ZNF474: variants seen among roughly 807,000 people sequenced by gnomAD.
ZNF474 encodes 4933409D10Rik.
For synonymous variants in ZNF474, 192 were observed against 162.2 expected (o/e 1.18, Z -1.39); for missense variants, 511 against 433.8 (o/e 1.18, Z -1.58).
At chr5:122,130,790 C>T (rs1009130989) in intron 1 of ZNF474, among the ~76,000 whole-genome samples, 134 of 152,190 alleles carry the variant, frequency 8.8e-4, no homozygotes, top group African/African-American at 3.1e-3. Context: ...GAAATGATTA[C>T]CACAATCAAG....
In ZNF474 at chr5:122,152,610, G is replaced by C; in HGVS notation, c.620G>C (p.Gly207Ala). 2 of 1,614,174 alleles carry C rather than the reference G, an allele frequency of 1.2e-6. No homozygotes were observed. The highest frequency in any genetic ancestry group is 1.7e-6 in the Non-Finnish European group (2 of 1,180,044). ...PHSNSSDHLTGLKKACSGTPA... is the reference protein window; with the variant it reads ...PHSNSSDHLTALKKACSGTPA... ...TCAAACAGTTCTGATCATCTTACTG[G>C]CCTCAAGAAAGCTTGTAGTGGAACC... is the stretch of plus-strand genomic sequence containing the variant. Residue 207 changes from glycine to alanine, a missense_variant, in exon 2 of 2, where the codon GGC becomes GCC. Coordinates refer to ENST00000296600, the MANE Select transcript of ZNF474 (RefSeq NM_207317.3).
At chr5:122,150,073 A>C (rs758560556) in intron 1 of ZNF474, among the ~76,000 whole-genome samples, 12 of 152,216 alleles carry the variant, frequency 7.9e-5, no homozygotes, top group Non-Finnish European at 1.2e-4. Context: ...CCTAGTATCA[A>C]GGAAAATGAT....
intron 1 of ZNF474, among the ~76,000 whole-genome samples, chr5:122,137,363 G>A (rs1197410484): frequency 7.1e-6 from 1 of 140,990 alleles, no homozygotes; most frequent in Non-Finnish European, 1.5e-5. Flanking sequence ...CAGGAGAATC[G>A]CTTGAACCTG....
In ZNF474 at chr5:122,151,958, C is replaced by T. The variant is rs112289805; in HGVS notation, c.-33C>T. On this transcript the variant is annotated 5_prime_UTR_variant, in exon 2 of 2. Transcript: ENST00000296600. ...GCCCAAAGTGAGTCTGGCCTGAAAT[C>T]AGAGCAAGCACTACAGAAAGACATC... is the stretch of plus-strand genomic sequence containing the variant. 3.8e-6 allele frequency: 6 copies of T among 1,577,284 alleles called. No homozygotes were observed. In the African/African-American group the frequency reaches 4.1e-5, roughly 11 times the overall value.
At chr5:122,146,394 A>G (rs1273874281) in intron 1 of ZNF474, among the ~76,000 whole-genome samples, 1 of 152,172 alleles carries the variant, frequency 6.6e-6, no homozygotes, top group Non-Finnish European at 1.5e-5. Flanking sequence ...AGAATCTCTA[A>G]AAAAGGAAGT....
chr5:122,131,970 G>A (rs532406831), intron 1 of ZNF474, among the ~76,000 whole-genome samples: 3 of 151,968 alleles, frequency 2.0e-5, no homozygotes, highest in South Asian at 4.1e-4. Context: ...ATAAGAAAAC[G>A]TCCATTAACC....
intron 1 of ZNF474, among the ~76,000 whole-genome samples, chr5:122,131,402 T>C (rs1184212533): frequency 6.6e-6 from 1 of 152,106 alleles, no homozygotes; most frequent in Non-Finnish European, 1.5e-5. Context: ...CCATATGTGG[T>C]AACAAATTAT....
intron 1 of ZNF474, among the ~76,000 whole-genome samples, chr5:122,149,933 G>C (rs2040576033): frequency 1.3e-5 from 2 of 151,716 alleles, no homozygotes; most frequent in Non-Finnish European, 2.9e-5. Context: ...GAGAGAGAGA[G>C]AGAGAGAGGG....
At chr5:122,144,070 C>A (rs1317886482) in intron 1 of ZNF474, among the ~76,000 whole-genome samples, 2 of 151,942 alleles carry the variant, frequency 1.3e-5, no homozygotes, top group Non-Finnish European at 2.9e-5. Context: ...TTCTATAACC[C>A]TTTAATAACT....
At chr5:122,136,323 A>G (rs1170378731) in intron 1 of ZNF474, among the ~76,000 whole-genome samples, 13 of 152,208 alleles carry the variant, frequency 8.5e-5, no homozygotes, top group Admixed American at 7.9e-4. Context: ...TCTGATTTCC[A>G]AGGGAAATTA....
Position 122,152,107 on chromosome 5 carries a change from T to C in ZNF474, c.117T>C (p.Ser39=). The change falls in exon 2 of 2, where the codon TCT becomes TCC. Residue 39 remains serine (S), a synonymous_variant. Transcript: ENST00000296600. Reference sequence around the variant, plus strand: ...GGCTTCTCTCTAGTGACTCCTATTCTAGCCTTTCCCCAGAAACAGAGAGTG... The same window carrying C: ...GGCTTCTCTCTAGTGACTCCTATTCCAGCCTTTCCCCAGAAACAGAGAGTG... The part of the protein sequence containing the change: ...QAGLLSSDSY[S]SLSPETESVN... 1 of 1,614,212 alleles carries C rather than the reference T, an allele frequency of 6.2e-7. No homozygotes were observed. Among genetic ancestry groups the C allele is most frequent in the Non-Finnish European group, 8.5e-7 (1 of 1,180,036 alleles).
chr5:122,134,906 C>A (rs1755663919), intron 1 of ZNF474, among the ~76,000 whole-genome samples: 1 of 151,956 alleles, frequency 6.6e-6, no homozygotes, highest in Non-Finnish European at 1.5e-5. Flanking sequence ...TAGAAGAAAA[C>A]ACTGGGAAAA....
chr5:122,142,889 G>A (rs1334535082), intron 1 of ZNF474, among the ~76,000 whole-genome samples: 1 of 152,152 alleles, frequency 6.6e-6, no homozygotes, highest in African/African-American at 2.4e-5. Context: ...GTCATGGCGA[G>A]CATATCAGAA....
At chr5:122,150,644 G>A (rs1208762811) in intron 1 of ZNF474, among the ~76,000 whole-genome samples, 2 of 152,126 alleles carry the variant, frequency 1.3e-5, no homozygotes, top group African/African-American at 4.8e-5. Context: ...AAGGTCCTGA[G>A]GCTTCTGAAA....
rs1561445687 is a variant in ZNF474 at position 122,153,401 on chromosome 5, C to G, written c.*316C>G. 3.6e-6 allele frequency: 1 copy of G among 276,248 alleles called. No individual in the cohort carries two copies. 17.1% of individuals were successfully genotyped at this position (276,248 alleles called of 1,614,324 possible). On this transcript the variant is annotated 3_prime_UTR_variant, in exon 2 of 2. Coordinates refer to ENST00000296600, the MANE Select transcript of ZNF474 (RefSeq NM_207317.3). ...GTGTCTACATTACAGAGATATAATT[C>G]CCATTCCAACAGCCAATATTTATTG...
chr5:122,153,341 G>A lies in ZNF474; in HGVS notation c.*256G>A, dbSNP rs1387633974. 1 of 440,970 alleles carries A rather than the reference G, an allele frequency of 2.3e-6. No individual in the cohort carries two copies. Among genetic ancestry groups the A allele is most frequent in the Non-Finnish European group, 4.1e-6 (1 of 244,062 alleles). 27.3% of individuals were successfully genotyped at this position (440,970 alleles called of 1,614,324 possible). ...GATCCCTGATACAAATAATCCCTGG[G>A]AGAGACAGTAATTTGAAAATGAGTC... On this transcript the variant is annotated 3_prime_UTR_variant, in exon 2 of 2. Transcript: ENST00000296600.
At chr5:122,141,160 ATTTTATTT>A (rs1755833954) in intron 1 of ZNF474, among the ~76,000 whole-genome samples, 2 of 28,828 alleles carry the variant, frequency 6.9e-5, no homozygotes, top group African/African-American at 1.2e-4. Context: ...ATTTTATTTT[ATTTTATTT>A]TATTTTTGGA....
intron 1 of ZNF474, among the ~76,000 whole-genome samples, chr5:122,146,257 G>T (rs138959346): frequency 2.3e-4 from 35 of 152,004 alleles, no homozygotes; most frequent in Non-Finnish European, 5.0e-4. Flanking sequence ...TAGAAAAGAA[G>T]GTTGGGAGTA....
chr5:122,151,203 T>C (rs1756159679), intron 1 of ZNF474, among the ~76,000 whole-genome samples: 3 of 152,180 alleles, frequency 2.0e-5, no homozygotes, highest in South Asian at 2.1e-4. Context: ...CTAGAAACAG[T>C]TGACAAATTA....
Sources: gnomAD v4.1 joint callset for allele counts (sites outside exome capture counted in the v4.1 genomes callset) on GRCh38, gnomAD v4.1.1 for gene constraint, MANE v1.5 for transcripts, NCBI Gene and HGNC (gene_info 2026-07-23, HGNC 2026-07-21) for gene names.